Variants in CACNA2D1 observed in about 807,000 individuals in gnomAD.
CACNA2D1 encodes the protein calcium voltage-gated channel auxiliary subunit alpha2delta 1.
In CACNA2D1, 53 loss-of-function variants were observed where a neutral mutation model predicts 171.5. The observed-to-expected ratio is 0.31, with a 90% CI of 0.25 to 0.39. The LOEUF (loss-of-function observed/expected upper bound fraction) is 0.39, where lower values mean the gene tolerates loss of function less well. Among genes scored for constraint, CACNA2D1 ranks in the 10% least tolerant of loss-of-function variants. The pLI is 1.00. For missense variants in CACNA2D1, 903 were observed against 1,299.8 expected, an observed-to-expected ratio of 0.69 and a Z score of 4.69; for synonymous variants, 442 against 443.1, an observed-to-expected ratio of 1.00 and a Z score of 0.03.
chr7:82,024,620 C>G (rs1584455899), intron 12 of CACNA2D1, among the ~76,000 whole-genome samples: 1 of 151,456 alleles, frequency 6.6e-6, no homozygotes, highest in Admixed American at 6.6e-5. Flanking sequence ...TTGATTGTTT[C>G]CTTTTCTGTG....
intron 3 of CACNA2D1, among the ~76,000 whole-genome samples, chr7:82,275,654 G>A (rs1809222438): frequency 6.6e-6 from 1 of 151,944 alleles, no homozygotes; most frequent in African/African-American, 2.4e-5. Context: ...CTTTCCACAA[G>A]CAACACTTCA....
chr7:82,432,681 T>C (rs1422495114), intron 1 of CACNA2D1, among the ~76,000 whole-genome samples: 3 of 152,204 alleles, frequency 2.0e-5, no homozygotes, highest in Non-Finnish European at 4.4e-5. Flanking sequence ...TTTCTTTTCT[T>C]GACAAGGATC....
At chr7:82,243,225 C>T (rs1051270534) in intron 3 of CACNA2D1, among the ~76,000 whole-genome samples, 1 of 152,088 alleles carries the variant, frequency 6.6e-6, no homozygotes, top group African/African-American at 2.4e-5. Flanking sequence ...GTTTCAAGTT[C>T]TCTCCATCCT....
At chr7:82,105,622 G>T (rs1046548976) in intron 6 of CACNA2D1, among the ~76,000 whole-genome samples, 1 of 152,028 alleles carries the variant, frequency 6.6e-6, no homozygotes, top group African/African-American at 2.4e-5. Flanking sequence ...CCAACGGCCT[G>T]TATGACTCAT....
chr7:82,068,816 C>G lies in CACNA2D1; in HGVS notation c.659-2292G>C, dbSNP rs192219126. ...TGAATTGTTTACCGATCACATTCAT[C>G]TAGGATTTCTGTTGTCACTACCATT... On this transcript the variant is annotated intron_variant, in intron 7 of 38. Transcript: ENST00000356860. Among the ~76,000 whole-genome samples, 69 of 152,122 alleles carry G rather than the reference C, an allele frequency of 4.5e-4. 1 individual carries two copies. The highest frequency in any genetic ancestry group is 1.7e-3 in the African/African-American group (69 of 41,522).
intron 4 of CACNA2D1, among the ~76,000 whole-genome samples, chr7:82,160,699 C>G (rs1167781745): frequency 6.6e-6 from 1 of 151,964 alleles, no homozygotes; most frequent in Non-Finnish European, 1.5e-5. Context: ...ATCTTGAAAT[C>G]CTGGGCTCAA....
intron 3 of CACNA2D1, among the ~76,000 whole-genome samples, chr7:82,172,683 C>T (rs753304702): frequency 4.5e-5 from 6 of 133,364 alleles, no homozygotes; most frequent in Non-Finnish European, 9.2e-5. Flanking sequence ...AATTATCCTC[C>T]TATCTCAGCC....
chr7:82,072,846 A>T (rs1446303760), intron 7 of CACNA2D1, among the ~76,000 whole-genome samples: 2 of 152,114 alleles, frequency 1.3e-5, no homozygotes, highest in Non-Finnish European at 2.9e-5. Flanking sequence ...GCTAAGACTT[A>T]ATGAATTTTA....
At chr7:82,173,550 T>C (rs1010562939) in intron 3 of CACNA2D1, among the ~76,000 whole-genome samples, 28 of 152,054 alleles carry the variant, frequency 1.8e-4, no homozygotes, top group Non-Finnish European at 3.2e-4. Context: ...CATATAATAC[T>C]AAACTTTAGA....
At chr7:82,125,668 G>T (rs749230862) in intron 5 of CACNA2D1, among the ~76,000 whole-genome samples, 2 of 152,052 alleles carry the variant, frequency 1.3e-5, no homozygotes, top group Non-Finnish European at 1.5e-5. Flanking sequence ...CCTTGAGGCA[G>T]GAGTTTGAGG....
At chr7:82,430,154 C>T (rs1226205399) in intron 1 of CACNA2D1, among the ~76,000 whole-genome samples, 1 of 83,558 alleles carries the variant, frequency 1.2e-5, no homozygotes, top group African/African-American at 7.6e-5. Flanking sequence ...TGGCTCACAC[C>T]TGTAGTAATC....
intron 10 of CACNA2D1, among the ~76,000 whole-genome samples, chr7:82,052,360 A>ACATG (rs1805286580): frequency 6.6e-6 from 1 of 152,192 alleles, no homozygotes; most frequent in Non-Finnish European, 1.5e-5. Context: ...ACACATGCAC[A>ACATG]CATGCACGCA....
intron 12 of CACNA2D1, among the ~76,000 whole-genome samples, chr7:82,026,673 C>T (rs1007032626): frequency 6.6e-6 from 1 of 151,698 alleles, no homozygotes; most frequent in Non-Finnish European, 1.5e-5. Flanking sequence ...GCAGATCGCT[C>T]ACACAGGGTG....
rs886407249 is a variant in CACNA2D1 at position 81,989,378 on chromosome 7, T to C, written c.1796+1807A>G. 3.3e-5 allele frequency among the ~76,000 whole-genome samples: 5 copies of C among 152,282 alleles called. No individual in the cohort carries two copies. The South Asian group carries it at 1.0e-3, about 32-fold the overall frequency. On this transcript the variant is annotated intron_variant, in intron 21 of 38. Transcript: ENST00000356860. ...TCAAGGGTTAAGATCCTTCTTGTGA[T>C]TGTGTTGAGAACAGAAATAACGATA...
intron 38 of CACNA2D1, among the ~76,000 whole-genome samples, chr7:81,951,978 T>TTTTTTTTTTGTTTTTTTG (rs1473997593): frequency 3.6e-4 from 54 of 149,034 alleles, no homozygotes; most frequent in Middle Eastern, 3.4e-3. Context: ...TGTTTTTTTT[T>TTTTTTTTTTGTTTTTTTG]TTTTTTTTTT....
At chr7:82,134,156 T>A (rs1791339588) in intron 5 of CACNA2D1, among the ~76,000 whole-genome samples, 2 of 152,128 alleles carry the variant, frequency 1.3e-5, no homozygotes, top group Non-Finnish European at 2.9e-5. Flanking sequence ...ACCAACATGC[T>A]TATAGTAGGG....
intron 10 of CACNA2D1, among the ~76,000 whole-genome samples, chr7:82,054,342 T>C (rs1349278666): frequency 6.6e-6 from 1 of 152,228 alleles, no homozygotes; most frequent in Non-Finnish European, 1.5e-5. Context: ...CCTCTGCTGT[T>C]GCACATGGTG....
At chr7:82,161,108 A>T (rs1450934345) in intron 4 of CACNA2D1, among the ~76,000 whole-genome samples, 6 of 152,034 alleles carry the variant, frequency 3.9e-5, no homozygotes, top group African/African-American at 7.2e-5. Flanking sequence ...TGATTGGATT[A>T]AAAAAGCTTC....
chr7:82,363,606 G>A (rs1821343488), intron 1 of CACNA2D1, among the ~76,000 whole-genome samples: 1 of 152,110 alleles, frequency 6.6e-6, no homozygotes, highest in African/African-American at 2.4e-5. Context: ...TGAAAGGAGT[G>A]AATAAAAGTA....
Sources: allele counts gnomAD v4.1 joint callset (sites outside exome capture counted in the v4.1 genomes callset), GRCh38; gene constraint gnomAD v4.1.1; transcripts MANE v1.5; gene names NCBI Gene and HGNC (gene_info 2026-07-23, HGNC 2026-07-21).